CHRNA7: variants seen among roughly 807,000 people sequenced by gnomAD.
CHRNA7 encodes cholinergic receptor nicotinic alpha 7 subunit.
CHRNA7 carries 17 observed loss-of-function variants against 48.0 expected under a neutral mutation model. The ratio of observed to expected loss-of-function variants is 0.35; its 90% confidence interval spans 0.24 to 0.53. The LOEUF (loss-of-function observed/expected upper bound fraction) is 0.53, where lower values mean the gene tolerates loss of function less well. CHRNA7 is among the 20% of genes least tolerant of loss of function. CHRNA7 has a pLI of 0.92. For synonymous variants in CHRNA7, 75 were observed against 242.3 expected, an observed-to-expected ratio of 0.31 and a Z score of 6.41; for missense variants, 155 against 577.7, an observed-to-expected ratio of 0.27 and a Z score of 7.50.
At chr15:32,099,549 A>G (rs1298056875) in intron 2 of CHRNA7, 1 of 152,252 alleles carries the variant, frequency 6.6e-6, no homozygotes, top group African/African-American at 2.4e-5. Flanking sequence ...ATTCGTAGTA[A>G]TTGAGCTCCC....
At chr15:32,066,417 G>A (rs1285690592) in intron 2 of CHRNA7, among the ~76,000 whole-genome samples, 2 of 152,132 alleles carry the variant, frequency 1.3e-5, no homozygotes, top group South Asian at 2.1e-4. Flanking sequence ...AAGTAGCTGG[G>A]ATTACAGGCA....
rs548076362 is a variant in CHRNA7 at position 32,149,075 on chromosome 15, G to A, written c.351-4832G>A. 1.3e-5 allele frequency among the ~76,000 whole-genome samples: 2 copies of A among 152,348 alleles called. No individual in the cohort carries two copies. Among genetic ancestry groups the A allele is most frequent in the South Asian group, 4.1e-4 (2 of 4,826 alleles). On this transcript the variant is annotated intron_variant, in intron 4 of 9. Transcript: ENST00000306901. This position sits in a 1 kb window ranked among gnomAD's most constrained non-coding sequence, Gnocchi z 4.6. ...GTGGGCCCCAGTCATTGCTGGCTGG[G>A]GGAGGACAAAGGCAGCCAGATAAAG...
intron 4 of CHRNA7, among the ~76,000 whole-genome samples, chr15:32,139,619 G>A (rs1566867881): frequency 6.6e-6 from 1 of 151,156 alleles, no homozygotes; most frequent in Non-Finnish European, 1.5e-5. Flanking sequence ...ATGACAATGT[G>A]GAACATATTT....
intron 1 of CHRNA7, 120 bp from the exon 2 acceptor site, chr15:32,030,778 C>G: frequency 6.7e-7 from 1 of 1,503,146 alleles, no homozygotes; most frequent in Non-Finnish European, 8.8e-7. Flanking sequence ...AGCGGGGGCG[C>G]TGCGGGGGCT....
At chr15:32,071,454 T>C (rs1338092193) in intron 2 of CHRNA7, among the ~76,000 whole-genome samples, 2 of 152,218 alleles carry the variant, frequency 1.3e-5, no homozygotes, top group African/African-American at 2.4e-5. Flanking sequence ...TAATTTTCAA[T>C]ATACAAGTCA....
chr15:32,067,778 A>G lies in CHRNA7; in HGVS notation c.196-33525A>G, dbSNP rs559873705. 3.9e-3 allele frequency among the ~76,000 whole-genome samples: 596 copies of G among 152,346 alleles called. 7 individuals are homozygous for G. The highest frequency in any genetic ancestry group is 0.014 in the African/African-American group (583 of 41,570). The stretch of plus-strand genomic sequence containing the variant: ...AGAGGAGGAGAAAGCAAAGTTATAC[A>G]GGGGGAAAGTTTTTGTACACTATTG... On this transcript the variant is annotated intron_variant, in intron 2 of 9. Coordinates refer to ENST00000306901, the MANE Select transcript of CHRNA7 (RefSeq NM_000746.6).
intron 2 of CHRNA7, among the ~76,000 whole-genome samples, chr15:32,083,813 ACG>A (rs1426812077): frequency 2.6e-5 from 4 of 152,196 alleles, no homozygotes; most frequent in African/African-American, 9.7e-5. Flanking sequence ...AAAAGTTCCA[ACG>A]CAATTTGGTT....
In CHRNA7 at chr15:32,097,565, C is replaced by G. The variant is rs113402671; in HGVS notation, c.196-3738C>G. ...GGCAGGTTAATCATGGACTTCCAGC[C>G]GCCAGAACTGTGAGAAACAAACTTC... is the stretch of plus-strand genomic sequence containing the variant. On this transcript the variant is annotated intron_variant, in intron 2 of 9. Coordinates refer to ENST00000306901, the MANE Select transcript of CHRNA7 (RefSeq NM_000746.6). Among the ~76,000 whole-genome samples, 571 of 152,270 alleles carry G rather than the reference C, an allele frequency of 3.7e-3. 3 individuals are homozygous for G. Among genetic ancestry groups the G allele is most frequent in the African/African-American group, 0.013 (550 of 41,554 alleles).
At chr15:32,117,963 G>A (rs2050902408) in intron 4 of CHRNA7, among the ~76,000 whole-genome samples, 2 of 152,194 alleles carry the variant, frequency 1.3e-5, no homozygotes, top group Non-Finnish European at 2.9e-5. Flanking sequence ...TTGAATATCT[G>A]TCTTCTCCAG....
chr15:32,130,962 T>C (rs1056693181), intron 4 of CHRNA7, among the ~76,000 whole-genome samples: 2 of 152,142 alleles, frequency 1.3e-5, no homozygotes, highest in African/African-American at 4.8e-5. Context: ...CAGTAAGTTA[T>C]TTCAGCATTC....
intron 3 of CHRNA7, among the ~76,000 whole-genome samples, chr15:32,110,399 G>A (rs1170515343): frequency 6.6e-6 from 1 of 152,204 alleles, no homozygotes; most frequent in African/African-American, 2.4e-5. Flanking sequence ...GGCAGCTGTC[G>A]ATCCTGAATG....
rs1217548435 is a variant in CHRNA7 at position 32,149,777 on chromosome 15, C to T, written c.351-4130C>T. Among the ~76,000 whole-genome samples the T allele has an allele frequency of 1.3e-5, 2 of 151,936 alleles. No homozygotes were observed. Among genetic ancestry groups the T allele is most frequent in the Non-Finnish European group, 2.9e-5 (2 of 67,982 alleles). ...ACAGGTAAGCTGTTGCTAATAGCAA[C>T]AGTTTTTTTATCTTGTTTTTACCTG... On this transcript the variant is annotated intron_variant, in intron 4 of 9. Transcript: ENST00000306901. This position sits in a 1 kb window ranked among gnomAD's most constrained non-coding sequence, Gnocchi z 4.6.
chr15:32,108,908 C>T lies in CHRNA7; in HGVS notation c.241-2882C>T, dbSNP rs116272038. Among the ~76,000 whole-genome samples, 425 of 152,266 alleles carry T rather than the reference C, an allele frequency of 2.8e-3. 4 individuals are homozygous for T. Among genetic ancestry groups the T allele is most frequent in the African/African-American group, 9.5e-3 (393 of 41,536 alleles). On this transcript the variant is annotated intron_variant, in intron 3 of 9. Coordinates refer to ENST00000306901, the MANE Select transcript of CHRNA7 (RefSeq NM_000746.6). ...ATGATTTACCTGAACAAGCTCACGC[C>T]GCTAGTCTCTGCCAGACCCTTGGTG...
chr15:32,065,776 C>A (rs1401171526), intron 2 of CHRNA7, among the ~76,000 whole-genome samples: 1 of 152,016 alleles, frequency 6.6e-6, no homozygotes, highest in African/African-American at 2.4e-5. Context: ...ACACTGGGGG[C>A]AGAGCTGTCA....
chr15:32,147,764 G>A (rs986297814), intron 4 of CHRNA7, among the ~76,000 whole-genome samples: 1 of 152,104 alleles, frequency 6.6e-6, no homozygotes, highest in African/African-American at 2.4e-5. Flanking sequence ...ATTGCTGATT[G>A]CAGACCCTCA....
intron 4 of CHRNA7, among the ~76,000 whole-genome samples, chr15:32,145,917 G>A (rs2051479540): frequency 6.6e-6 from 1 of 152,180 alleles, no homozygotes; most frequent in African/African-American, 2.4e-5. Context: ...CTTGCCCTCC[G>A]TGGGTTGCAC....
rs867710322 is a variant in CHRNA7 at position 32,066,656 on chromosome 15, G to A, written c.196-34647G>A. Among the ~76,000 whole-genome samples the A allele has an allele frequency of 3.3e-5, 5 of 152,138 alleles. No individual in the cohort carries two copies. In the South Asian group the frequency reaches 1.0e-3, roughly 32 times the overall value. ...TGCAGTGAAAATTTAAAAAGCAGAT[G>A]GCATATACAGAGGGAAAAACAAAAC... is the stretch of plus-strand genomic sequence containing the variant. On this transcript the variant is annotated intron_variant, in intron 2 of 9. Coordinates refer to ENST00000306901, the MANE Select transcript of CHRNA7 (RefSeq NM_000746.6).
rs1040171554 is a variant in CHRNA7 at position 32,149,318 on chromosome 15, C to G, written c.351-4589C>G. Among the ~76,000 whole-genome samples the G allele has an allele frequency of 2.0e-5, 3 of 152,176 alleles. No homozygotes were observed. The highest frequency in any genetic ancestry group is 7.2e-5 in the African/African-American group (3 of 41,450). ...TGGGTGTTTGCCAGCACAGGGCTGC[C>G]CAGCACTGGTGAGGGGGTCACTGTT... is the stretch of plus-strand genomic sequence containing the variant. On this transcript the variant is annotated intron_variant, in intron 4 of 9. Coordinates refer to ENST00000306901, the MANE Select transcript of CHRNA7 (RefSeq NM_000746.6). The surrounding 1 kb of genome is among the most constrained non-coding windows in gnomAD (Gnocchi z 4.6).
chr15:32,166,169 A>G (rs1388061786), intron 9 of CHRNA7: 4 of 152,194 alleles, frequency 2.6e-5, no homozygotes, highest in African/African-American at 9.7e-5. Flanking sequence ...CTCATTGTAC[A>G]TCGTTGGGCC....
Sources: allele counts gnomAD v4.1 joint callset (sites outside exome capture counted in the v4.1 genomes callset), GRCh38; gene constraint gnomAD v4.1.1; non-coding constraint Gnocchi (gnomAD v3.1); transcripts MANE v1.5; gene names NCBI Gene and HGNC (gene_info 2026-07-23, HGNC 2026-07-21).